RHBDD1: variants seen among roughly 807,000 people sequenced by gnomAD.
RHBDD1 encodes the protein rhomboid domain containing 1, also known as rhomboid-related protein 4.
RHBDD1 carries 38 observed loss-of-function variants against 36.3 expected under a neutral mutation model. The ratio of observed to expected loss-of-function variants is 1.05; its 90% CI spans 0.81 to 1.37. The LOEUF (loss-of-function observed/expected upper bound fraction) is 1.37. Ranked by LOEUF, RHBDD1 falls within the 40% of genes most tolerant of loss-of-function variation. RHBDD1 has a pLI of 0.00. For synonymous variants in RHBDD1, 151 were observed against 136.5 expected, an observed-to-expected ratio of 1.11 and a Z score of -0.74; for missense variants, 393 against 377.6, an observed-to-expected ratio of 1.04 and a Z score of -0.34.
At chr2:226,852,392 T>C (rs2125092265) in intron 3 of RHBDD1, among the ~76,000 whole-genome samples, 2 of 152,272 alleles carry the variant, frequency 1.3e-5, no homozygotes, top group East Asian at 3.9e-4. Flanking sequence ...ATACCTAAAG[T>C]GATGGTACAA....
intron 8 of RHBDD1, among the ~76,000 whole-genome samples, chr2:226,943,077 A>G (rs1459630683): frequency 6.6e-6 from 1 of 152,206 alleles, no homozygotes; most frequent in Non-Finnish European, 1.5e-5. Context: ...CATTTATTAT[A>G]CAGTCACAAA....
At chr2:226,828,520 C>G in the RHBDD1 span, among the ~76,000 whole-genome samples, 3 of 152,192 alleles carry the variant, frequency 2.0e-5, no homozygotes, top group African/African-American at 7.2e-5. Flanking sequence ...GGCCACACCA[C>G]TTTATAATCC....
At chr2:226,947,579 G>T (rs1444965668) in intron 8 of RHBDD1, among the ~76,000 whole-genome samples, 3 of 152,148 alleles carry the variant, frequency 2.0e-5, no homozygotes, top group African/African-American at 7.2e-5. Context: ...TTGACTTGGC[G>T]ATGCAGGCTC....
intron 3 of RHBDD1, among the ~76,000 whole-genome samples, chr2:226,855,406 C>T (rs1431955679): frequency 6.6e-6 from 1 of 152,142 alleles, no homozygotes; most frequent in African/African-American, 2.4e-5. Context: ...TGGGAGGCTG[C>T]AGTGGGAGGA....
At chr2:226,943,449 C>T (rs1358213179) in intron 8 of RHBDD1, among the ~76,000 whole-genome samples, 5 of 152,106 alleles carry the variant, frequency 3.3e-5, no homozygotes, top group Non-Finnish European at 7.4e-5. Context: ...AATCCAAAGC[C>T]CAGTAGTTTT....
Position 226,864,949 on chromosome 2 carries a change from GC to G in RHBDD1, c.257del (p.Ala86AspfsTer8). The G allele has an allele frequency of 6.2e-7, 1 of 1,614,208 alleles. No individual in the cohort carries two copies. The highest frequency in any genetic ancestry group is 1.7e-5 in the Admixed American group (1 of 60,026). ...ADDWHLYFNM[A>X]SMLWKGINLE... ...TGATTGGCATTTGTATTTCAATATG[GC>G]ATCCATGCTCTGGAAAGGAATAAAT... On this transcript the variant is annotated frameshift_variant, in exon 4 of 9. Transcript: ENST00000392062. LOFTEE classifies it high-confidence loss of function.
intron 3 of RHBDD1, among the ~76,000 whole-genome samples, chr2:226,847,857 C>T (rs1001885868): frequency 6.6e-6 from 1 of 152,186 alleles, no homozygotes; most frequent in Non-Finnish European, 1.5e-5. Context: ...TGAATTCTCT[C>T]TCAGAGTAAA....
intron 8 of RHBDD1, among the ~76,000 whole-genome samples, chr2:226,946,539 T>C (rs938139551): frequency 3.2e-4 from 49 of 152,084 alleles, no homozygotes; most frequent in African/African-American, 1.2e-3. Flanking sequence ...CTTCAAAAAG[T>C]TAATGAATTT....
intron 3 of RHBDD1, among the ~76,000 whole-genome samples, chr2:226,848,584 C>G (rs745657837): frequency 6.6e-6 from 1 of 152,162 alleles, no homozygotes; most frequent in Non-Finnish European, 1.5e-5. Flanking sequence ...AGTCAAATCA[C>G]CACTCTGAAA....
chr2:226,887,600 T>G (rs1473457073), intron 5 of RHBDD1, among the ~76,000 whole-genome samples: 1 of 152,256 alleles, frequency 6.6e-6, no homozygotes, highest in African/African-American at 2.4e-5. Flanking sequence ...AAAAATACTT[T>G]AGGACTTGCT....
upstream of RHBDD1, among the ~76,000 whole-genome samples, chr2:226,831,410 A>C (rs899148236): frequency 1.3e-5 from 2 of 152,210 alleles, no homozygotes; most frequent in Non-Finnish European, 2.9e-5. Flanking sequence ...GATGTAATTC[A>C]TTAAGATGAG....
chr2:226,852,901 T>TTTATTATTG (rs1553543385), intron 3 of RHBDD1, among the ~76,000 whole-genome samples: 2,254 of 125,174 alleles, frequency 0.018, 47 homozygotes, highest in East Asian at 0.065. Flanking sequence ...ACCTGGCTAA[T>TTTATTATTG]TTATTATTAT....
chr2:226,951,802 G>A (rs996197690), intron 8 of RHBDD1, among the ~76,000 whole-genome samples: 2 of 152,218 alleles, frequency 1.3e-5, no homozygotes, highest in African/African-American at 4.8e-5. Context: ...AATGTCTTTA[G>A]GTGATTTCTG....
chr2:226,915,726 C>A lies in RHBDD1; in HGVS notation c.856+1375C>A, dbSNP rs139390748. Among the ~76,000 whole-genome samples, 437 of 152,208 alleles carry A rather than the reference C, an allele frequency of 2.9e-3. 2 individuals carry two copies. The highest frequency in any genetic ancestry group is 0.01 in the African/African-American group (419 of 41,548). ...GAAGACTATATTGCAGTAACCTGAACAAGAAAGGAAAGCCTAAATTATGAA... is the reference window on the plus strand; with the variant it reads ...GAAGACTATATTGCAGTAACCTGAAAAAGAAAGGAAAGCCTAAATTATGAA... On this transcript the variant is annotated intron_variant, in intron 8 of 8. Coordinates refer to ENST00000392062, the MANE Select transcript of RHBDD1 (RefSeq NM_001167608.3).
At chr2:226,962,158 G>GAT (rs1952247230) in intron 8 of RHBDD1, among the ~76,000 whole-genome samples, 1 of 152,166 alleles carries the variant, frequency 6.6e-6, no homozygotes, top group Non-Finnish European at 1.5e-5. Context: ...CTAAAGTGGT[G>GAT]ATATATTGGA....
chr2:226,811,750 T>C, the RHBDD1 span, among the ~76,000 whole-genome samples: 2 of 152,260 alleles, frequency 1.3e-5, no homozygotes, highest in African/African-American at 2.4e-5. Flanking sequence ...GAATTCTATC[T>C]AATGACAGAT....
At chr2:226,819,091 C>T in the RHBDD1 span, among the ~76,000 whole-genome samples, 3 of 152,142 alleles carry the variant, frequency 2.0e-5, no homozygotes, top group African/African-American at 7.2e-5. Flanking sequence ...TATCACCTGC[C>T]TATATCCTCT....
At chr2:226,911,997 G>T (rs1010405116) in intron 7 of RHBDD1, among the ~76,000 whole-genome samples, 1 of 151,872 alleles carries the variant, frequency 6.6e-6, no homozygotes, top group Non-Finnish European at 1.5e-5. Flanking sequence ...TACTTTCAAG[G>T]ACGTTCAGTA....
intron 7 of RHBDD1, among the ~76,000 whole-genome samples, chr2:226,913,009 T>C (rs952241279): frequency 2.0e-5 from 3 of 152,224 alleles, no homozygotes; most frequent in Non-Finnish European, 2.9e-5. Context: ...GTTTCCCTTT[T>C]AATCCTGCAT....
Sources: allele counts gnomAD v4.1 joint callset (sites outside exome capture counted in the v4.1 genomes callset), GRCh38; gene constraint gnomAD v4.1.1; transcripts MANE v1.5; gene names NCBI Gene and HGNC (gene_info 2026-07-23, HGNC 2026-07-21).